The following ZNF780A variants were observed in gnomAD, a reference collection of about 807,000 sequenced individuals.
The protein encoded by ZNF780A is zinc finger protein 780A.
In ZNF780A, 40 loss-of-function variants were observed where a neutral mutation model predicts 56.7. That is an observed-to-expected ratio of 0.71 (90% CI 0.55 to 0.92). The LOEUF (loss-of-function observed/expected upper bound fraction) is 0.92, where lower values mean the gene tolerates loss of function less well. Ranked by LOEUF, ZNF780A falls within the 40% of genes least tolerant of loss-of-function variation. The pLI is 0.00. For missense variants in ZNF780A, 672 were observed against 783.3 expected (o/e 0.86, Z 1.70); for synonymous variants, 231 against 248.3 (o/e 0.93, Z 0.66).
In ZNF780A at chr19:40,073,584, T is replaced by A. The variant is rs1973916645; in HGVS notation, c.*932A>T. ...TACATTGTGAACATGACAACTACCC[T>A]ATATTCCTCATTCAAAGACTTTCTC... is the stretch of plus-strand genomic sequence containing the variant. On this transcript the variant is annotated 3_prime_UTR_variant, in exon 6 of 6. Transcript: ENST00000683561. 16 of 985,866 alleles carry A rather than the reference T, an allele frequency of 1.6e-5. No homozygotes were observed. Among genetic ancestry groups the A allele is most frequent in the Non-Finnish European group, 1.9e-5 (16 of 830,394 alleles). 61.1% of individuals were successfully genotyped at this position (985,866 alleles called of 1,614,324 possible).
At chr19:40,069,595 TA>T (rs1407530655), downstream of ZNF780A, 1 of 152,184 alleles carries the variant, frequency 6.6e-6, no homozygotes, top group East Asian at 1.9e-4. Flanking sequence ...GGACCATCTC[TA>T]TAATAGTTCA....
At chr19:40,072,740 C>T (rs1319586975), downstream of ZNF780A, 1 of 1,318,602 alleles carries the variant, frequency 7.6e-7, no homozygotes, top group African/African-American at 1.5e-5. Context: ...TCACAATCAC[C>T]TGGAGAAATA....
chr19:40,075,828 T>G lies in ZNF780A; in HGVS notation c.614A>C (p.His205Pro), dbSNP rs1264577207. 1 of 1,613,196 alleles carries G rather than the reference T, an allele frequency of 6.2e-7. No homozygotes were observed. Among genetic ancestry groups the G allele is most frequent in the Non-Finnish European group, 8.5e-7 (1 of 1,179,734 alleles). Reference sequence around the variant, plus strand: ...TTTCTGATGTCGAGTAAATTGTATGTGAAGTCGAAAGGCTTTCCCACACTC... The same window carrying G: ...TTTCTGATGTCGAGTAAATTGTATGGGAAGTCGAAAGGCTTTCCCACACTC... ...CKECGKAFRL[H>P]IQFTRHQKFH... is the part of the protein sequence containing the mutation. Residue 205 changes from histidine (H) to proline (P), a missense_variant, in exon 6 of 6, where the codon CAC (histidine) becomes CCC (proline). By Grantham distance (77) the His-to-Pro change is moderately conservative. Transcript: ENST00000683561.
chr19:40,080,865 G>A lies in ZNF780A; in HGVS notation c.232+954C>T, dbSNP rs527627867. Reference sequence around the variant, plus strand: ...TAAATTAAAAATAAATAAATAAATGGTGCTGGAAAACTGGATATCCGTATG... The same window carrying A: ...TAAATTAAAAATAAATAAATAAATGATGCTGGAAAACTGGATATCCGTATG... On this transcript the variant is annotated intron_variant, in intron 5 of 5. Coordinates refer to ENST00000683561, the MANE Select transcript of ZNF780A (RefSeq NM_001142578.2). Among the ~76,000 whole-genome samples, 16 of 152,126 alleles carry A rather than the reference G, an allele frequency of 1.1e-4. No individual in the cohort carries two copies. In the South Asian group the frequency reaches 3.1e-3, roughly 30 times the overall value.
chr19:40,086,658 A>AT (rs1258797233), intron 2 of ZNF780A, among the ~76,000 whole-genome samples: 1 of 152,126 alleles, frequency 6.6e-6, no homozygotes, highest in Non-Finnish European at 1.5e-5. Flanking sequence ...GAATTCTTAT[A>AT]CAAAAACCCT....
chr19:40,077,023 C>T (rs1974179315), intron 5 of ZNF780A, among the ~76,000 whole-genome samples: 3 of 152,094 alleles, frequency 2.0e-5, no homozygotes, highest in South Asian at 2.1e-4. Flanking sequence ...AATCCAAGAA[C>T]CCATCCACCT....
rs1973945855 is a variant in ZNF780A, at chr19:40,074,251, C to T, written c.*265G>A. On this transcript the variant is annotated 3_prime_UTR_variant, in exon 6 of 6. Transcript: ENST00000683561. ...TGTGTCAGAAAACTGAAGGCCTTTCCACATTCTTTACATTCAAAGGGTTTT... is the reference window on the plus strand; with the variant it reads ...TGTGTCAGAAAACTGAAGGCCTTTCTACATTCTTTACATTCAAAGGGTTTT... 2 of 1,462,382 alleles carry T rather than the reference C, an allele frequency of 1.4e-6. No individual in the cohort carries two copies. Among genetic ancestry groups the T allele is most frequent in the Non-Finnish European group, 1.8e-6 (2 of 1,104,052 alleles). 90.6% of individuals were successfully genotyped at this position (1,462,382 alleles called of 1,614,324 possible). A position where few individuals can be genotyped will look rare whatever the true frequency, so the allele number is the denominator to read the frequency against.
At chr19:40,069,787 C>T (rs1973754179), downstream of ZNF780A, 1 of 152,108 alleles carries the variant, frequency 6.6e-6, no homozygotes, top group Non-Finnish European at 1.5e-5. Flanking sequence ...TGTTCATATG[C>T]CTTTTTTCCA....
chr19:40,075,896 C>G lies in ZNF780A; in HGVS notation c.546G>C (p.Gln182His), dbSNP rs1974105611. The change falls in exon 6 of 6, where the codon CAG (glutamine) becomes CAC (histidine). Residue 182 changes from glutamine (Q) to histidine (H), a missense_variant. Gln to His is a conservative substitution (Grantham distance 24). Transcript: ENST00000683561. ...KYFSRSANLI[Q>H]HQSIHTGEKP... ...TCTCTCCAGTATGAATACTCTGATG[C>G]TGAATAAGATTTGCACTACGACTAA... The G allele has an allele frequency of 1.9e-6, 3 of 1,614,066 alleles. No homozygotes were observed. In the East Asian group the frequency reaches 6.7e-5, roughly 36 times the overall value.
At chr19:40,072,563 C>T (rs938626459), downstream of ZNF780A, 4 of 239,290 alleles carry the variant, frequency 1.7e-5, no homozygotes, top group African/African-American at 9.1e-5. Context: ...GGATATAAAC[C>T]CAGGCATTCG....
intron 5 of ZNF780A, among the ~76,000 whole-genome samples, chr19:40,079,351 T>C (rs1974343169): frequency 6.6e-6 from 1 of 152,078 alleles, no homozygotes. Flanking sequence ...AGGTGAATAT[T>C]ATTAGATCAA....
downstream of ZNF780A, chr19:40,071,806 G>C (rs1334092725): frequency 6.6e-6 from 1 of 152,514 alleles, no homozygotes; most frequent in East Asian, 1.9e-4. Context: ...AGAGCCTCTG[G>C]ACTCAAATTC....
Position 40,073,383 on chromosome 19 carries a change from G to T in ZNF780A, c.*1133C>A, listed in dbSNP as rs445379. 15,830 of 317,410 alleles carry T rather than the reference G, an allele frequency of 0.05. 2,079 individuals carry two copies. Among genetic ancestry groups the T allele is most frequent in the African/African-American group, 0.3 (13,289 of 44,144 alleles). The allele number at this position is 317,410 out of a possible 1,614,324, so 19.7% of individuals were successfully genotyped here. A position where few individuals can be genotyped will look rare whatever the true frequency, so the allele number is the denominator to read the frequency against. On this transcript the variant is annotated 3_prime_UTR_variant, in exon 6 of 6. Coordinates refer to ENST00000683561, the MANE Select transcript of ZNF780A (RefSeq NM_001142578.2). ...AATGAAATAGTTTGAAATATTCTGAGAATTACCAAAATGTGACATAAAGAC... is the reference window on the plus strand; with the variant it reads ...AATGAAATAGTTTGAAATATTCTGATAATTACCAAAATGTGACATAAAGAC...
downstream of ZNF780A, chr19:40,072,871 G>T (rs2144891596): frequency 1.3e-6 from 2 of 1,540,894 alleles, no homozygotes; most frequent in Non-Finnish European, 1.7e-6. Flanking sequence ...AGGATTTCCA[G>T]GCTACAATAC....
At position 40,074,524 on chromosome 19, in the gene ZNF780A, C is replaced by G. The variant is rs117907760; in HGVS notation, c.1918G>C (p.Ala640Pro). The G allele has an allele frequency of 0.01, 16,619 of 1,613,474 alleles. 121 individuals carry two copies. The highest frequency in any genetic ancestry group is 0.013 in the Non-Finnish European group (15,363 of 1,179,734). Residue 640 changes from alanine to proline, a missense_variant, in exon 6 of 6, where the codon GCA becomes CCA. Transcript: ENST00000683561. ...TTCCACATTCCTTACATTCAAGATG[C>G]CTTCTCACCTGTGTGAATGTTCTTA... ...RHKNIHTGEK[A>P]S is the part of the protein sequence containing the mutation.
chr19:40,072,670 A>G (rs948087471), downstream of ZNF780A: 4 of 946,292 alleles, frequency 4.2e-6, no homozygotes, highest in Non-Finnish European at 5.5e-6. Flanking sequence ...AAAAAAAAAA[A>G]GAAGAATGAG....
chr19:40,076,389 G>A (rs750169605), intron 5 of ZNF780A, among the ~76,000 whole-genome samples, 180 bp from the exon 6 acceptor site: 6 of 152,264 alleles, frequency 3.9e-5, no homozygotes, highest in Middle Eastern at 3.4e-3. Flanking sequence ...TCCAGTGGAA[G>A]CAAATGCACA....
chr19:40,082,388 T>C lies in ZNF780A; in HGVS notation c.137-474A>G, dbSNP rs73549813. On this transcript the variant is annotated intron_variant, in intron 4 of 5. Transcript: ENST00000683561. ...GCACAAAGTCAAGAATTATTGTTTATTATTGTCATTTATTTTGCATCCTTA... is the reference window on the plus strand; with the variant it reads ...GCACAAAGTCAAGAATTATTGTTTACTATTGTCATTTATTTTGCATCCTTA... Among the ~76,000 whole-genome samples the C allele has an allele frequency of 4.8e-3, 732 of 152,336 alleles. 9 individuals carry two copies. The highest frequency in any genetic ancestry group is 0.016 in the African/African-American group (678 of 41,576).
In ZNF780A at chr19:40,074,729, G is replaced by C; in HGVS notation, c.1713C>G (p.His571Gln). The C allele has an allele frequency of 6.2e-7, 1 of 1,611,714 alleles. No homozygotes were observed. Among genetic ancestry groups the C allele is most frequent in the Non-Finnish European group, 8.5e-7 (1 of 1,179,248 alleles). ...ECGKAFRLHM[H>Q]LIRHQKLHTG... is the part of the protein sequence containing the mutation. ...TATGCAATTTCTGATGTCGAATAAG[G>C]TGCATATGAAGTCGAAAGGCTTTCC... The change falls in exon 6 of 6, where the codon CAC becomes CAG. Residue 571 changes from histidine to glutamine, a missense_variant. His to Gln is a conservative substitution (Grantham distance 24). Transcript: ENST00000683561.
Sources: gnomAD v4.1 joint callset for allele counts (sites outside exome capture counted in the v4.1 genomes callset) on GRCh38, gnomAD v4.1.1 for gene constraint, MANE v1.5 for transcripts, NCBI Gene and HGNC (gene_info 2026-07-23, HGNC 2026-07-21) for gene names.